The following DSCAML1 variants were observed in gnomAD, a reference collection of about 807,000 sequenced individuals.
DSCAML1 encodes the protein cell adhesion molecule DSCAML1.
A neutral mutation model predicts 200.5 loss-of-function variants in DSCAML1; 38 were observed. The observed-to-expected ratio is 0.19, with a 90% CI of 0.15 to 0.25. The LOEUF is 0.25. Ranked by LOEUF, DSCAML1 falls within the 10% of genes least tolerant of loss-of-function variation. DSCAML1 has a pLI of 1.00. For missense variants in DSCAML1, 2,223 were observed against 2,858.8 expected, an observed-to-expected ratio of 0.78 and a Z score of 5.07; for synonymous variants, 1,215 against 1,165.0, an observed-to-expected ratio of 1.04 and a Z score of -0.87.
Position 117,437,813 on chromosome 11 carries a change from C to A in DSCAML1, c.4432+82G>T. 1 of 1,430,490 alleles carries A rather than the reference C, an allele frequency of 7.0e-7. No individual in the cohort carries two copies. The highest frequency in any genetic ancestry group is 9.3e-7 in the Non-Finnish European group (1 of 1,080,638). 88.6% of individuals were successfully genotyped at this position (1,430,490 alleles called of 1,614,324 possible). On this transcript the variant is annotated intron_variant, in intron 25 of 32. Transcript: ENST00000651296. This position sits in a 1 kb window ranked among gnomAD's most constrained non-coding sequence, Gnocchi z 5.3. Reference sequence around the variant, plus strand: ...GACCCCTCCTTCCCCACCCCAGCCACCTTACACCCCATACCTGGCCCCTCT... The same window carrying A: ...GACCCCTCCTTCCCCACCCCAGCCAACTTACACCCCATACCTGGCCCCTCT...
At chr11:117,487,672 G>T (rs920677102) in intron 11 of DSCAML1, among the ~76,000 whole-genome samples, 1 of 152,158 alleles carries the variant, frequency 6.6e-6, no homozygotes, top group Non-Finnish European at 1.5e-5. Flanking sequence ...CTTGTTCTGG[G>T]GACCCTATTT....
chr11:117,512,760 A>AACACAC (rs1565753846), intron 8 of DSCAML1, among the ~76,000 whole-genome samples: 7 of 60,716 alleles, frequency 1.2e-4, no homozygotes, highest in African/African-American at 2.9e-4. Context: ...GTCCTCTAGG[A>AACACAC]TCACACACAC....
At chr11:117,735,000 G>A (rs1000925873) in intron 3 of DSCAML1, among the ~76,000 whole-genome samples, 3 of 152,162 alleles carry the variant, frequency 2.0e-5, no homozygotes, top group Non-Finnish European at 2.9e-5. Flanking sequence ...GGAGGGGGGC[G>A]TTTAATGGGG....
rs890055232 is a variant in DSCAML1 at position 117,797,041 on chromosome 11, T to C, written c.39A>G (p.Leu13=). Residue 13 remains leucine, a synonymous_variant, in exon 1 of 33, where the codon TTA becomes TTG. Transcript: ENST00000651296. The part of the protein sequence containing the change: ...LVTFLLLLDS[L]HKARPEDVGT... ...CGCCCGCGCAGGTCTCACCTTTGTG[T>C]AAAGAGTCCAGGAGCAGGAGGAAAG... 26 of 1,534,888 alleles carry C rather than the reference T, an allele frequency of 1.7e-5. No individual in the cohort carries two copies. The highest frequency in any genetic ancestry group is 2.3e-5 in the Non-Finnish European group (26 of 1,139,620).
chr11:117,509,521 C>T (rs927483494), intron 8 of DSCAML1, among the ~76,000 whole-genome samples: 8 of 152,122 alleles, frequency 5.3e-5, no homozygotes, highest in Non-Finnish European at 8.8e-5. Flanking sequence ...TGGGCAGGTG[C>T]GATGCATGGC....
At chr11:117,659,888 T>G (rs1384617319) in intron 3 of DSCAML1, among the ~76,000 whole-genome samples, 1 of 56,840 alleles carries the variant, frequency 1.8e-5, no homozygotes, top group East Asian at 2.8e-4. Context: ...CTAGCTAAAT[T>G]TTTTTTTGTA....
intron 3 of DSCAML1, among the ~76,000 whole-genome samples, chr11:117,581,807 T>A (rs1473067214): frequency 6.6e-6 from 1 of 152,206 alleles, no homozygotes; most frequent in Non-Finnish European, 1.5e-5. Flanking sequence ...TCAGAGTTTC[T>A]AACCCAAAGT....
At chr11:117,521,770 G>A (rs972847541) in intron 5 of DSCAML1, among the ~76,000 whole-genome samples, 1 of 151,450 alleles carries the variant, frequency 6.6e-6, no homozygotes, top group African/African-American at 2.4e-5. Flanking sequence ...ACCGGGGGGG[G>A]CACCCTTGGC....
intron 3 of DSCAML1, among the ~76,000 whole-genome samples, chr11:117,535,239 C>T (rs2050144962): frequency 6.6e-6 from 1 of 152,218 alleles, no homozygotes; most frequent in South Asian, 2.1e-4. Context: ...AGACCCTGGC[C>T]CTGTCTCTGT....
At chr11:117,640,765 G>A (rs574698696) in intron 3 of DSCAML1, among the ~76,000 whole-genome samples, 15 of 152,284 alleles carry the variant, frequency 9.9e-5, no homozygotes, top group African/African-American at 2.2e-4. Context: ...CTCTCCAGGC[G>A]TTTCCTTTGT....
chr11:117,741,032 C>G (rs1201600203), intron 3 of DSCAML1, among the ~76,000 whole-genome samples: 1 of 152,260 alleles, frequency 6.6e-6, no homozygotes, highest in Non-Finnish European at 1.5e-5. Flanking sequence ...TACCTGGCAA[C>G]TACCAATGTG....
intron 14 of DSCAML1, among the ~76,000 whole-genome samples, chr11:117,479,215 G>C (rs1395512819): frequency 1.3e-5 from 2 of 152,228 alleles, no homozygotes; most frequent in African/African-American, 4.8e-5. Context: ...CGTGCTAAGT[G>C]GGAGAAGAAG....
chr11:117,648,705 C>T (rs531100453), intron 3 of DSCAML1, among the ~76,000 whole-genome samples: 24 of 152,222 alleles, frequency 1.6e-4, no homozygotes, highest in Admixed American at 5.2e-4. Flanking sequence ...CTGGTGCACA[C>T]TCTGCCTCCT....
chr11:117,697,812 C>T (rs1187256639), intron 3 of DSCAML1, among the ~76,000 whole-genome samples: 1 of 151,188 alleles, frequency 6.6e-6, no homozygotes, highest in Non-Finnish European at 1.5e-5. Context: ...CGCTCTGTCG[C>T]CGAGGCTGGA....
chr11:117,701,007 T>A (rs1434570142), intron 3 of DSCAML1, among the ~76,000 whole-genome samples: 1 of 152,238 alleles, frequency 6.6e-6, no homozygotes, highest in Non-Finnish European at 1.5e-5. Flanking sequence ...GGCTCACGCC[T>A]GTAATCCCAG....
At chr11:117,695,000 G>A (rs1278942177) in intron 3 of DSCAML1, among the ~76,000 whole-genome samples, 3 of 152,228 alleles carry the variant, frequency 2.0e-5, no homozygotes, top group African/African-American at 7.2e-5. Flanking sequence ...GACAGGGGAT[G>A]TACACAGCAT....
chr11:117,480,534 C>T lies in DSCAML1; in HGVS notation c.2694G>A (p.Val898=). Residue 898 remains valine, a synonymous_variant, in exon 14 of 33, where the codon GTG becomes GTA. Transcript: ENST00000651296. The surrounding 1 kb of genome is among the most constrained non-coding windows in gnomAD (Gnocchi z 4.1). ...PDPPELEIRE[V]KARSMNLRWT... ...AGCGCAGGTTCATGCTCCGGGCCTT[C>T]ACCTCCCGGATCTCCAGCTCTGGGG... The T allele has an allele frequency of 6.3e-7, 1 of 1,584,198 alleles. No homozygotes were observed.
intron 3 of DSCAML1, among the ~76,000 whole-genome samples, chr11:117,688,703 T>C (rs957393292): frequency 1.3e-5 from 2 of 152,208 alleles, no homozygotes; most frequent in African/African-American, 4.8e-5. Flanking sequence ...TAAAGGGCCA[T>C]GAAGAGAGGC....
intron 3 of DSCAML1, among the ~76,000 whole-genome samples, chr11:117,731,697 T>C (rs1286807041): frequency 6.6e-6 from 1 of 152,232 alleles, no homozygotes; most frequent in Non-Finnish European, 1.5e-5. Context: ...ACAATACATG[T>C]AGCTGTTACA....
Sources: allele counts gnomAD v4.1 joint callset (sites outside exome capture counted in the v4.1 genomes callset), GRCh38; gene constraint gnomAD v4.1.1; non-coding constraint Gnocchi (gnomAD v3.1); transcripts MANE v1.5; gene names NCBI Gene and HGNC (gene_info 2026-07-23, HGNC 2026-07-21).